Variants in HERC3 observed in about 807,000 individuals in gnomAD.
HERC3 encodes probable E3 ubiquitin-protein ligase HERC3.
Under a neutral mutation model 129.9 loss-of-function variants are expected in HERC3, and 58 were observed. The observed-to-expected ratio is 0.45, with a 90% CI of 0.36 to 0.56. HERC3 has a LOEUF of 0.56. Ranked by LOEUF, HERC3 falls within the 20% of genes least tolerant of loss-of-function variation. The pLI is 0.00. For missense variants in HERC3, 835 were observed against 1,244.2 expected (o/e 0.67, Z 4.95); for synonymous variants, 430 against 451.0 (o/e 0.95, Z 0.59).
At chr4:88,600,401 G>A (rs548607963) in intron 2 of HERC3, among the ~76,000 whole-genome samples, 3 of 152,260 alleles carry the variant, frequency 2.0e-5, no homozygotes, top group East Asian at 3.9e-4. Context: ...GCCAGCTGAC[G>A]CATAACCTTT....
At chr4:88,589,670 A>AGTTTAC (rs1721613444), upstream of HERC3, among the ~76,000 whole-genome samples, 2 of 152,228 alleles carry the variant, frequency 1.3e-5, no homozygotes, top group African/African-American at 4.8e-5. Flanking sequence ...TCTTCAAAAC[A>AGTTTAC]GTTTACGTAT....
chr4:88,687,094 A>G (rs1733558750), intron 22 of HERC3, 123 bp from the exon 23 acceptor site: 1 of 710,812 alleles, frequency 1.4e-6, no homozygotes, highest in African/African-American at 1.8e-5. Context: ...TTATTCTCCC[A>G]CTAATTTTCT....
the HERC3 span, among the ~76,000 whole-genome samples, chr4:88,586,601 C>T: frequency 6.6e-6 from 1 of 152,058 alleles, no homozygotes. Flanking sequence ...TCAGGTGATC[C>T]ACCCGCCTCC....
intron 3 of HERC3, among the ~76,000 whole-genome samples, chr4:88,629,230 A>T (rs546367018): frequency 6.6e-6 from 1 of 152,364 alleles, no homozygotes. Flanking sequence ...ATTGCTCACA[A>T]ATTAAATACC....
intron 23 of HERC3, among the ~76,000 whole-genome samples, chr4:88,698,137 C>T (rs1734868788): frequency 6.6e-6 from 1 of 152,130 alleles, no homozygotes; most frequent in African/African-American, 2.4e-5. Flanking sequence ...TTTCCGTGTG[C>T]TCCTCACCCC....
intron 3 of HERC3, among the ~76,000 whole-genome samples, chr4:88,625,590 CATA>C (rs1010575703): frequency 3.9e-5 from 6 of 152,080 alleles, no homozygotes; most frequent in Non-Finnish European, 5.9e-5. Flanking sequence ...TTAGGATTTT[CATA>C]ATATCTATAA....
chr4:88,591,848 C>G (rs1177481152), upstream of HERC3, among the ~76,000 whole-genome samples: 1 of 152,170 alleles, frequency 6.6e-6, no homozygotes, highest in Admixed American at 6.5e-5. Context: ...TATGCTCCCC[C>G]CGGGTCCACC....
chr4:88,527,779 G>A, the HERC3 span: 1 of 320,792 alleles, frequency 3.1e-6, no homozygotes, highest in Non-Finnish European at 6.1e-6. Context: ...TCTGCTGCCG[G>A]TTATCCTCCT....
chr4:88,645,839 A>G (rs1439089421), intron 3 of HERC3, among the ~76,000 whole-genome samples: 8 of 152,190 alleles, frequency 5.3e-5, no homozygotes, highest in Admixed American at 5.2e-4. Context: ...CTGGAAAGCA[A>G]AACCTCAGAT....
chr4:88,536,900 G>A, the HERC3 span, among the ~76,000 whole-genome samples: 29,519 of 151,712 alleles, frequency 0.19, 3,316 homozygotes, highest in East Asian at 0.5. Context: ...TTTCTGCCTG[G>A]GATTATATAT....
At chr4:88,702,394 C>T (rs1210580189) in intron 23 of HERC3, among the ~76,000 whole-genome samples, 2 of 152,226 alleles carry the variant, frequency 1.3e-5, no homozygotes, top group African/African-American at 4.8e-5. Flanking sequence ...CCAAGGGTCA[C>T]AAGCTCTGAG....
At chr4:88,592,060 C>G (rs924817327), upstream of HERC3, among the ~76,000 whole-genome samples, 3 of 152,304 alleles carry the variant, frequency 2.0e-5, no homozygotes, top group East Asian at 3.9e-4. Flanking sequence ...CCTCAATTGT[C>G]ACCCTCCAGC....
chr4:88,660,667 G>A (rs1274807082), intron 10 of HERC3, among the ~76,000 whole-genome samples: 1 of 152,128 alleles, frequency 6.6e-6, no homozygotes, highest in Non-Finnish European at 1.5e-5. Context: ...CTGTCGTTTT[G>A]TTCCCTGGAT....
At chr4:88,690,570 C>T in intron 23 of HERC3, 1 of 985,178 alleles carries the variant, frequency 1.0e-6, no homozygotes, top group Non-Finnish European at 1.2e-6. Flanking sequence ...GCTGAGTCAT[C>T]ATAGTGCTCT....
At chr4:88,671,052 G>A (rs575946602) in intron 16 of HERC3, among the ~76,000 whole-genome samples, 10 of 152,032 alleles carry the variant, frequency 6.6e-5, no homozygotes, top group Non-Finnish European at 1.5e-4. Flanking sequence ...CTGTCTCACC[G>A]TATTTTAGAT....
the HERC3 span, among the ~76,000 whole-genome samples, chr4:88,527,387 G>A: frequency 6.6e-6 from 1 of 151,946 alleles, no homozygotes; most frequent in African/African-American, 2.4e-5. Flanking sequence ...GAGTAGCTGG[G>A]ACCATAGGCA....
At chr4:88,692,008 T>C (rs1734122413) in intron 23 of HERC3, among the ~76,000 whole-genome samples, 1 of 152,224 alleles carries the variant, frequency 6.6e-6, no homozygotes. Flanking sequence ...TCCATTTCAT[T>C]TGGTTTTAAA....
intron 19 of HERC3, among the ~76,000 whole-genome samples, chr4:88,679,824 T>C (rs1269546786): frequency 6.6e-6 from 1 of 152,214 alleles, no homozygotes; most frequent in African/African-American, 2.4e-5. Context: ...AGCCAATAGA[T>C]GGTAGACTTT....
intron 18 of HERC3, among the ~76,000 whole-genome samples, chr4:88,677,027 C>T (rs10022172): frequency 0.041 from 6,226 of 151,940 alleles, 161 homozygotes; most frequent in Middle Eastern, 0.12. Context: ...CTCAGCTACG[C>T]GGGAGGCTGA....
Sources: allele counts gnomAD v4.1 joint callset (sites outside exome capture counted in the v4.1 genomes callset), GRCh38; gene constraint gnomAD v4.1.1; transcripts MANE v1.5; gene names NCBI Gene and HGNC (gene_info 2026-07-23, HGNC 2026-07-21).